Variants in TRPM6 observed in about 807,000 individuals in gnomAD.
TRPM6 encodes the protein transient receptor potential cation channel subfamily M member 6.
A neutral mutation model predicts 247.6 loss-of-function variants in TRPM6; 111 were observed. The observed-to-expected ratio is 0.45, with a 90% CI of 0.38 to 0.52. TRPM6 has a LOEUF of 0.52. Ranked by LOEUF, TRPM6 falls within the 20% of genes least tolerant of loss-of-function variation. TRPM6 has a pLI of 0.00. For missense variants in TRPM6, 2,126 were observed against 2,421.5 expected, an observed-to-expected ratio of 0.88 and a Z score of 2.56; for synonymous variants, 892 against 853.8, an observed-to-expected ratio of 1.04 and a Z score of -0.78.
intron 9 of TRPM6, 116 bp from the exon 10 acceptor site, chr9:74,817,080 T>A: frequency 1.0e-6 from 1 of 990,738 alleles, no homozygotes; most frequent in Non-Finnish European, 1.6e-6. Context: ...CATTCTTCTT[T>A]AAAACCTTTT....
rs763383671 is a variant in TRPM6, at chr9:74,785,958, G to A, written c.2835C>T (p.Asp945=). The change falls in exon 21 of 39, where the codon GAC becomes GAT. Residue 945 remains aspartate (D), a synonymous_variant. Coordinates refer to ENST00000360774, the MANE Select transcript of TRPM6 (RefSeq NM_017662.5). Reference sequence around the variant, plus strand: ...GGAGCCGTGAGAACCAGAATATGATGTCTATGCAGTAGATCAGTCTTCCCG... The same window carrying A: ...GGAGCCGTGAGAACCAGAATATGATATCTATGCAGTAGATCAGTCTTCCCG... ...HTAGRLIYCI[D]IIFWFSRLLD... 3 of 1,614,124 alleles carry A rather than the reference G, an allele frequency of 1.9e-6. No individual in the cohort carries two copies. Among genetic ancestry groups the A allele is most frequent in the Non-Finnish European group, 2.5e-6 (3 of 1,180,056 alleles).
chr9:74,740,052 T>A, intron 33 of TRPM6, 43 bp from the exon 34 acceptor site: 1 of 1,603,172 alleles, frequency 6.2e-7, no homozygotes, highest in Non-Finnish European at 8.5e-7. Flanking sequence ...AAGATTGCCA[T>A]GTCTGTGACA....
chr9:74,863,760 G>A (rs1481639749), intron 1 of TRPM6, among the ~76,000 whole-genome samples: 1 of 151,466 alleles, frequency 6.6e-6, no homozygotes, highest in Non-Finnish European at 1.5e-5. Flanking sequence ...ATTTTTTTTT[G>A]TATTTTTGGT....
chr9:74,872,684 G>A (rs1587603759), intron 1 of TRPM6, among the ~76,000 whole-genome samples: 1 of 151,738 alleles, frequency 6.6e-6, no homozygotes, highest in Admixed American at 6.6e-5. Context: ...TGGCCAGGCT[G>A]ATTTCAAACT....
At chr9:74,832,687 T>C (rs867439608) in intron 6 of TRPM6, among the ~76,000 whole-genome samples, 18 of 152,172 alleles carry the variant, frequency 1.2e-4, no homozygotes, top group Admixed American at 5.9e-4. Flanking sequence ...AAGCTGGAGA[T>C]AGGTACATAG....
chr9:74,776,001 G>A lies in TRPM6; in HGVS notation c.3285C>T (p.Tyr1095=). The A allele has an allele frequency of 6.2e-7, 1 of 1,614,158 alleles. No individual in the cohort carries two copies. The highest frequency in any genetic ancestry group is 8.5e-7 in the Non-Finnish European group (1 of 1,180,022). Residue 1095 remains tyrosine (Y), a synonymous_variant, in exon 24 of 39, where the codon TAC becomes TAT. Transcript: ENST00000360774. ...GTGGGGGCAGCCAGGGCTTCTCGTG[G>A]TAGGTCATGATGTAGCGATAGCGGT... is the stretch of plus-strand genomic sequence containing the variant. ...KYNRYRYIMT[Y]HEKPWLPPPL...
chr9:74,787,683 A>G (rs949267873), intron 20 of TRPM6, among the ~76,000 whole-genome samples: 1 of 152,198 alleles, frequency 6.6e-6, no homozygotes, highest in East Asian at 1.9e-4. Flanking sequence ...TTATGATTAC[A>G]GTTATAACTG....
At position 74,728,241 on chromosome 9, in the gene TRPM6, G is replaced by A. The variant is rs145398520; in HGVS notation, c.5933C>T (p.Pro1978Leu). ...CNSCCRKLKL[P>L]DLKRNDYSPE... ...AAAAAGAACTGTTAGTGGCATACCC[G>A]GGAGTTTGAGCTTCCGGCAGCAGGA... The change falls in exon 38 of 39, where the codon CCG (proline) becomes CTG (leucine). Residue 1978 changes from proline (P) to leucine (L), a missense_variant and splice_region_variant. By Grantham distance (98) the Pro-to-Leu change is moderately conservative. Around this residue, in one of 3 missense-constraint regions of TRPM6, gnomAD observed 327 missense variants for 397.7 expected, o/e 0.82. Transcript: ENST00000360774. The A allele has an allele frequency of 2.0e-5, 33 of 1,611,386 alleles. No individual in the cohort carries two copies. Among genetic ancestry groups the A allele is most frequent in the South Asian group, 1.6e-4 (15 of 91,026 alleles).
intron 3 of TRPM6, among the ~76,000 whole-genome samples, chr9:74,851,880 C>T (rs1830330368): frequency 6.6e-6 from 1 of 151,160 alleles, no homozygotes; most frequent in Non-Finnish European, 1.5e-5. Flanking sequence ...GCTCCCAGCA[C>T]TTTGGGAGGC....
At chr9:74,810,918 T>TG (rs1250169811) in intron 12 of TRPM6, 50 bp from the exon 13 acceptor site, 1 of 1,508,292 alleles carries the variant, frequency 6.6e-7, no homozygotes, top group South Asian at 1.1e-5. Flanking sequence ...TACCATGTGC[T>TG]GGGGGGTAAA....
At chr9:74,833,424 C>G (rs1349527656) in intron 6 of TRPM6, among the ~76,000 whole-genome samples, 2 of 152,160 alleles carry the variant, frequency 1.3e-5, no homozygotes, top group South Asian at 2.1e-4. Flanking sequence ...TACAAGATAA[C>G]AGATGAGAAC....
At chr9:74,861,954 G>A in intron 1 of TRPM6, among the ~76,000 whole-genome samples, 1 of 151,850 alleles carries the variant, frequency 6.6e-6, no homozygotes, top group East Asian at 1.9e-4. Context: ...TGTTGAATGA[G>A]CAACAAACAT....
At chr9:74,858,389 A>AAAAAACAAAAAAAAC (rs55660256) in intron 2 of TRPM6, among the ~76,000 whole-genome samples, 1 of 151,932 alleles carries the variant, frequency 6.6e-6, no homozygotes, top group Non-Finnish European at 1.5e-5. Flanking sequence ...CTTCGTCTCA[A>AAAAAACAAAAAAAAC]AAAAACAAAA....
intron 5 of TRPM6, among the ~76,000 whole-genome samples, chr9:74,835,973 C>T (rs1288841018): frequency 6.6e-6 from 1 of 152,102 alleles, no homozygotes; most frequent in Admixed American, 6.5e-5. Context: ...AATAGAATAT[C>T]ACTATTCTCC....
Position 74,762,153 on chromosome 9 carries a change from C to G in TRPM6, c.4518G>C (p.Ser1506=), listed in dbSNP as rs780798466. The change falls in exon 26 of 39, where the codon TCG becomes TCC. Residue 1506 remains serine (S), a synonymous_variant. Coordinates refer to ENST00000360774, the MANE Select transcript of TRPM6 (RefSeq NM_017662.5). The part of the protein sequence containing the change: ...DSSLSDNSTR[S]AQSSECSEVG... ...CCTCTGAGCATTCACTACTCTGGGC[C>G]GATCTTGTTGAGTTATCAGATAGGG... The G allele has an allele frequency of 6.2e-7, 1 of 1,614,064 alleles. No individual in the cohort carries two copies. Among genetic ancestry groups the G allele is most frequent in the South Asian group, 1.1e-5 (1 of 91,086 alleles).
intron 13 of TRPM6, 38 bp downstream of exon 13, chr9:74,810,777 T>C: frequency 3.8e-6 from 6 of 1,594,654 alleles, no homozygotes; most frequent in Non-Finnish European, 1.7e-6. Flanking sequence ...GCTAAGGCAA[T>C]ACACAAAGAC....
chr9:74,796,626 T>C (rs765985674), intron 18 of TRPM6, 115 bp downstream of exon 18: 42 of 1,067,832 alleles, frequency 3.9e-5, no homozygotes, highest in Non-Finnish European at 4.5e-5. Context: ...AGGCCTGAAA[T>C]ATAGGCAACA....
At chr9:74,784,484 C>A (rs915694138) in intron 21 of TRPM6, among the ~76,000 whole-genome samples, 1 of 152,160 alleles carries the variant, frequency 6.6e-6, no homozygotes, top group Non-Finnish European at 1.5e-5. Context: ...TGAGTTAATA[C>A]ATACTAATTA....
chr9:74,832,074 T>C (rs1304172060), intron 6 of TRPM6, among the ~76,000 whole-genome samples: 1 of 152,164 alleles, frequency 6.6e-6, no homozygotes, highest in Non-Finnish European at 1.5e-5. Context: ...ACATACCTCC[T>C]CCTATGGCAT....
Sources: allele counts gnomAD v4.1 joint callset (sites outside exome capture counted in the v4.1 genomes callset), GRCh38; gene constraint gnomAD v4.1.1; regional missense constraint gnomAD v4.1.1; transcripts MANE v1.5; gene names NCBI Gene and HGNC (gene_info 2026-07-23, HGNC 2026-07-21).